B4GALT6: variants seen among roughly 807,000 people sequenced by gnomAD.
B4GALT6 encodes UDP-Gal:beta-GlcNAc beta-1,4-galactosyltransferase 6.
A neutral mutation model predicts 46.3 loss-of-function variants in B4GALT6; 14 were observed. That is an observed-to-expected ratio of 0.30 (90% CI 0.20 to 0.47). B4GALT6 has a LOEUF of 0.47. B4GALT6 is among the 20% of genes least tolerant of loss of function. B4GALT6 has a pLI of 0.99. For synonymous variants in B4GALT6, 168 were observed against 162.0 expected (o/e 1.04, Z -0.28); for missense variants, 386 against 480.1 (o/e 0.80, Z 1.83).
At chr18:31,724,056 G>A in the B4GALT6 span, 5 of 319,922 alleles carry the variant, frequency 1.6e-5, no homozygotes, top group East Asian at 3.2e-4. Flanking sequence ...TGTTCCGGCC[G>A]GGCAGGGCGG....
upstream of B4GALT6, among the ~76,000 whole-genome samples, chr18:31,687,699 A>G (rs2029974438): frequency 6.6e-6 from 1 of 152,224 alleles, no homozygotes; most frequent in Non-Finnish European, 1.5e-5. Flanking sequence ...GTTTATTACC[A>G]CCAAGTATTC....
the B4GALT6 span, among the ~76,000 whole-genome samples, chr18:31,715,537 CTTTTTTTTTTTTTTTT>C: frequency 0.011 from 531 of 49,664 alleles, 8 homozygotes; most frequent in Admixed American, 0.016. Flanking sequence ...CTGGAACTGT[CTTTTTTTTTTTTTTTT>C]TTTTTTTTTT....
the B4GALT6 span, among the ~76,000 whole-genome samples, chr18:31,702,578 A>G: frequency 0.028 from 4,289 of 152,244 alleles, 226 homozygotes; most frequent in African/African-American, 0.097. Context: ...AGATAATCTG[A>G]GTTTTAACAG....
At chr18:31,693,471 C>T in the B4GALT6 span, among the ~76,000 whole-genome samples, 1 of 152,058 alleles carries the variant, frequency 6.6e-6, no homozygotes, top group Non-Finnish European at 1.5e-5. Context: ...ATATAATATA[C>T]CTAATTATAT....
the B4GALT6 span, among the ~76,000 whole-genome samples, chr18:31,708,133 T>C: frequency 6.6e-6 from 1 of 152,234 alleles, no homozygotes; most frequent in East Asian, 1.9e-4. Flanking sequence ...TTCCAGCTTC[T>C]ACAGAAGGTT....
chr18:31,702,876 G>A, the B4GALT6 span, among the ~76,000 whole-genome samples: 1 of 152,134 alleles, frequency 6.6e-6, no homozygotes, highest in Non-Finnish European at 1.5e-5. Flanking sequence ...GATATGGAGG[G>A]GAAATGGGAG....
chr18:31,717,305 A>G, the B4GALT6 span, among the ~76,000 whole-genome samples: 1 of 152,268 alleles, frequency 6.6e-6, no homozygotes, highest in Admixed American at 6.5e-5. Context: ...TTAGCAATAA[A>G]CTCAAGAAAT....
At chr18:31,629,849 CAAAA>C (rs1192136047) in intron 6 of B4GALT6, among the ~76,000 whole-genome samples, 1 of 60,124 alleles carries the variant, frequency 1.7e-5, no homozygotes. Context: ...GACTCTGTCT[CAAAA>C]AAAAAAAAAA....
At chr18:31,685,699 C>T (rs550600207), upstream of B4GALT6, 3 of 152,318 alleles carry the variant, frequency 2.0e-5, no homozygotes, top group East Asian at 1.9e-4. Flanking sequence ...ATACATTGTA[C>T]CCTGGGGGTA....
intron 3 of B4GALT6, among the ~76,000 whole-genome samples, chr18:31,646,271 A>T (rs2073990014): frequency 6.6e-6 from 1 of 152,224 alleles, no homozygotes; most frequent in South Asian, 2.1e-4. Context: ...AATATATGAC[A>T]TTACTGGAGG....
chr18:31,717,057 C>T, the B4GALT6 span, among the ~76,000 whole-genome samples: 3 of 151,998 alleles, frequency 2.0e-5, no homozygotes, highest in South Asian at 6.2e-4. Context: ...GAGCGGATAT[C>T]GTGCCACTAC....
intron 6 of B4GALT6, among the ~76,000 whole-genome samples, chr18:31,629,828 C>T (rs551556396): frequency 5.1e-5 from 7 of 136,518 alleles, no homozygotes; most frequent in Non-Finnish European, 9.2e-5. Context: ...CCAGCATGGG[C>T]GACAAAGCGA....
At chr18:31,721,332 T>TA in the B4GALT6 span, among the ~76,000 whole-genome samples, 11 of 151,198 alleles carry the variant, frequency 7.3e-5, no homozygotes, top group East Asian at 3.9e-4. Context: ...ACTTAAAGTA[T>TA]AAAAAAAAAC....
the B4GALT6 span, among the ~76,000 whole-genome samples, chr18:31,712,258 CT>C: frequency 1.5e-5 from 2 of 136,132 alleles, no homozygotes; most frequent in Non-Finnish European, 3.1e-5. Flanking sequence ...CGGAGTTGCC[CT>C]TGTTTTTTGC....
the B4GALT6 span, among the ~76,000 whole-genome samples, chr18:31,712,783 C>A: frequency 1.3e-5 from 2 of 152,110 alleles, no homozygotes; most frequent in Non-Finnish European, 2.9e-5. Flanking sequence ...ATTTCTTTTT[C>A]ATTTCTGGTT....
In B4GALT6 at chr18:31,629,621, G is replaced by A. The variant is rs569671074; in HGVS notation, c.776+1338C>T. 4.7e-4 allele frequency among the ~76,000 whole-genome samples: 70 copies of A among 150,518 alleles called. 1 individual carries two copies. The highest frequency in any genetic ancestry group is 6.8e-3 in the Middle Eastern group (2 of 294). ...TCCCAGCACTTTGGGAGGCCGAGGCGGGTGGATCACAAGGTCAGGAGATCA... is the reference window on the plus strand; with the variant it reads ...TCCCAGCACTTTGGGAGGCCGAGGCAGGTGGATCACAAGGTCAGGAGATCA... On this transcript the variant is annotated intron_variant, in intron 6 of 8. Transcript: ENST00000306851.
At chr18:31,709,396 C>G in the B4GALT6 span, among the ~76,000 whole-genome samples, 6 of 146,708 alleles carry the variant, frequency 4.1e-5, no homozygotes, top group African/African-American at 1.5e-4. Flanking sequence ...AACCCATGGA[C>G]AATAGAGTAT....
intron 2 of B4GALT6, among the ~76,000 whole-genome samples, chr18:31,659,716 C>T (rs570876786): frequency 2.3e-4 from 35 of 152,234 alleles, no homozygotes; most frequent in African/African-American, 8.2e-4. Context: ...AGACAATCCT[C>T]CCCACTCTCC....
At chr18:31,633,589 G>A (rs2073818856) in intron 5 of B4GALT6, among the ~76,000 whole-genome samples, 1 of 152,108 alleles carries the variant, frequency 6.6e-6, no homozygotes, top group Non-Finnish European at 1.5e-5. Flanking sequence ...GATAATCCAA[G>A]CCCTCACCCT....
Sources: gnomAD v4.1 joint callset for allele counts (sites outside exome capture counted in the v4.1 genomes callset) on GRCh38, gnomAD v4.1.1 for gene constraint, MANE v1.5 for transcripts, NCBI Gene and HGNC (gene_info 2026-07-23, HGNC 2026-07-21) for gene names.